The following ANO6 variants were observed in gnomAD, a reference collection of about 807,000 sequenced individuals.
ANO6 encodes anoctamin-6.
In ANO6, 106 loss-of-function variants were observed where a neutral mutation model predicts 117.5. That is an observed-to-expected ratio of 0.90 (90% CI 0.77 to 1.06). ANO6 has a LOEUF of 1.06. Ranked by LOEUF, ANO6 falls within the 50% of genes least tolerant of loss-of-function variation. The pLI is 0.00. For synonymous variants in ANO6, 367 were observed against 385.1 expected (o/e 0.95, Z 0.55); for missense variants, 955 against 1,121.1 (o/e 0.85, Z 2.12).
chr12:45,336,008 A>G (rs548587159), intron 3 of ANO6, among the ~76,000 whole-genome samples: 1 of 152,136 alleles, frequency 6.6e-6, no homozygotes, highest in East Asian at 1.9e-4. Flanking sequence ...TGCAATGGCT[A>G]TGACCTCTTG....
chr12:45,428,032 GA>G (rs1185025304), intron 19 of ANO6, among the ~76,000 whole-genome samples: 1 of 150,394 alleles, frequency 6.6e-6, no homozygotes, highest in African/African-American at 2.4e-5. Context: ...TACCTGCTTT[GA>G]AAAATGTTTT....
At chr12:45,365,883 G>A (rs1462514213) in intron 8 of ANO6, among the ~76,000 whole-genome samples, 1 of 152,168 alleles carries the variant, frequency 6.6e-6, no homozygotes, top group Non-Finnish European at 1.5e-5. Context: ...AATTTCCAGA[G>A]TTCTGCAAAG....
chr12:45,285,895 C>G (rs1453897640), intron 1 of ANO6, among the ~76,000 whole-genome samples: 1 of 152,184 alleles, frequency 6.6e-6, no homozygotes, highest in Non-Finnish European at 1.5e-5. Context: ...TCCTCCTCCC[C>G]ACTGGAGGTC....
At chr12:45,343,404 T>C (rs1941036677) in intron 3 of ANO6, among the ~76,000 whole-genome samples, 1 of 152,164 alleles carries the variant, frequency 6.6e-6, no homozygotes, top group South Asian at 2.1e-4. Flanking sequence ...GACACAGGCA[T>C]GGATCCTGCT....
chr12:45,337,399 G>A (rs531664724), intron 3 of ANO6, among the ~76,000 whole-genome samples: 3 of 152,152 alleles, frequency 2.0e-5, no homozygotes, highest in East Asian at 1.9e-4. Flanking sequence ...GCCTGAGAGC[G>A]GCAGGCCATT....
chr12:45,225,628 A>G (rs1947470734), intron 1 of ANO6, among the ~76,000 whole-genome samples: 1 of 152,064 alleles, frequency 6.6e-6, no homozygotes, highest in Non-Finnish European at 1.5e-5. Context: ...AGCTGGGACT[A>G]CAGGCACCCA....
intron 1 of ANO6, among the ~76,000 whole-genome samples, chr12:45,237,172 G>T (rs899408266): frequency 2.0e-5 from 3 of 152,150 alleles, no homozygotes; most frequent in Non-Finnish European, 2.9e-5. Flanking sequence ...CCATTCTGTA[G>T]GTTGCCTGTT....
intron 12 of ANO6, among the ~76,000 whole-genome samples, chr12:45,392,886 A>T (rs1046568961): frequency 6.6e-6 from 1 of 152,236 alleles, no homozygotes; most frequent in African/African-American, 2.4e-5. Flanking sequence ...CACAAAGATG[A>T]GGAGAAACCA....
chr12:45,238,459 G>T (rs1947683731), intron 1 of ANO6, among the ~76,000 whole-genome samples: 1 of 151,592 alleles, frequency 6.6e-6, no homozygotes, highest in Non-Finnish European at 1.5e-5. Context: ...CTGATGGTAG[G>T]GTTTTCTAAA....
At chr12:45,239,645 T>G (rs1947706450) in intron 1 of ANO6, among the ~76,000 whole-genome samples, 1 of 152,208 alleles carries the variant, frequency 6.6e-6, no homozygotes, top group Non-Finnish European at 1.5e-5. Flanking sequence ...TGTTAGGGTG[T>G]CGATTTTAGA....
chr12:45,344,659 A>G (rs1941077716), intron 3 of ANO6, among the ~76,000 whole-genome samples: 1 of 152,198 alleles, frequency 6.6e-6, no homozygotes, highest in African/African-American at 2.4e-5. Flanking sequence ...CATTTGGGCA[A>G]AGACACAAAT....
intron 16 of ANO6, among the ~76,000 whole-genome samples, chr12:45,413,044 G>C (rs965949738): frequency 1.3e-5 from 2 of 152,222 alleles, no homozygotes; most frequent in African/African-American, 4.8e-5. Context: ...GCCATATCAT[G>C]ATGGGTCTGG....
At chr12:45,233,170 A>T (rs1371358028) in intron 1 of ANO6, among the ~76,000 whole-genome samples, 1 of 152,190 alleles carries the variant, frequency 6.6e-6, no homozygotes, top group Non-Finnish European at 1.5e-5. Flanking sequence ...GGCATGAATC[A>T]CAATCTGTGA....
chr12:45,270,271 G>C (rs567606112), intron 1 of ANO6, among the ~76,000 whole-genome samples: 2 of 152,190 alleles, frequency 1.3e-5, no homozygotes. Flanking sequence ...AAGAGTTAAG[G>C]TTAACTGACA....
At chr12:45,227,860 A>G (rs1461738489) in intron 1 of ANO6, among the ~76,000 whole-genome samples, 1 of 152,214 alleles carries the variant, frequency 6.6e-6, no homozygotes, top group Non-Finnish European at 1.5e-5. Context: ...AAGGTGGTTG[A>G]AGAATTGCAT....
At chr12:45,404,843 C>T (rs1565756347) in intron 15 of ANO6, among the ~76,000 whole-genome samples, 1 of 152,194 alleles carries the variant, frequency 6.6e-6, no homozygotes, top group African/African-American at 2.4e-5. Flanking sequence ...GCCCTCTTGC[C>T]TCCATCACAT....
intron 1 of ANO6, among the ~76,000 whole-genome samples, chr12:45,258,908 G>T (rs1169819943): frequency 6.6e-6 from 1 of 152,198 alleles, no homozygotes; most frequent in East Asian, 1.9e-4. Context: ...AGAAAGGGAT[G>T]TGACTGCATG....
intron 1 of ANO6, among the ~76,000 whole-genome samples, chr12:45,238,191 C>T (rs1262058906): frequency 6.4e-4 from 95 of 148,090 alleles, no homozygotes; most frequent in African/African-American, 2.1e-3. Context: ...CACTCTGTCG[C>T]CCAGGCTGGA....
In ANO6 at chr12:45,409,488, G is replaced by C; in HGVS notation, c.2011+1G>C. 1 of 1,613,286 alleles carries C rather than the reference G, an allele frequency of 6.2e-7. No homozygotes were observed. The highest frequency in any genetic ancestry group is 8.5e-7 in the Non-Finnish European group (1 of 1,179,698). On this transcript the variant is annotated splice_donor_variant, in intron 16 of 19. Coordinates refer to ENST00000320560, the MANE Select transcript of ANO6 (RefSeq NM_001025356.3). LOFTEE classifies it high-confidence loss of function. The stretch of plus-strand genomic sequence containing the variant: ...TTATTTTATGAATATCTTGAAATGA[G>C]TAAGTTGTTAGTGAAGTTTTTAGTG...
Sources: gnomAD v4.1 joint callset for allele counts (sites outside exome capture counted in the v4.1 genomes callset) on GRCh38, gnomAD v4.1.1 for gene constraint, MANE v1.5 for transcripts, NCBI Gene and HGNC (gene_info 2026-07-23, HGNC 2026-07-21) for gene names.